The following NRXN1 variants were observed in gnomAD, a reference collection of about 807,000 sequenced individuals.
NRXN1 encodes the protein neurexin-1.
A neutral mutation model predicts 150.9 loss-of-function variants in NRXN1; 39 were observed. The ratio of observed to expected loss-of-function variants is 0.26; its 90% CI spans 0.20 to 0.34. NRXN1 has a LOEUF of 0.34. Among genes scored for constraint, NRXN1 ranks in the 10% least tolerant of loss-of-function variants. The pLI is 1.00. For synonymous variants in NRXN1, 924 were observed against 757.0 expected, an observed-to-expected ratio of 1.22 and a Z score of -3.62; for missense variants, 1,815 against 1,949.9, an observed-to-expected ratio of 0.93 and a Z score of 1.30.
At chr2:50,430,504 T>C (rs1030718877) in intron 17 of NRXN1, among the ~76,000 whole-genome samples, 11 of 152,230 alleles carry the variant, frequency 7.2e-5, no homozygotes, top group Non-Finnish European at 4.4e-5. Context: ...TTAATTTTAA[T>C]TAATTTAAAT....
At chr2:49,981,166 T>C (rs1679922526) in intron 21 of NRXN1, among the ~76,000 whole-genome samples, 1 of 152,108 alleles carries the variant, frequency 6.6e-6, no homozygotes, top group Non-Finnish European at 1.5e-5. Flanking sequence ...GTATTTCTCT[T>C]ACTTTGACAG....
At chr2:50,000,682 G>C (rs1395069167) in intron 21 of NRXN1, among the ~76,000 whole-genome samples, 1 of 152,140 alleles carries the variant, frequency 6.6e-6, no homozygotes, top group Non-Finnish European at 1.5e-5. Flanking sequence ...CCAGAGTCTA[G>C]AGTCATTTCT....
chr2:50,444,614 G>A (rs563606511), intron 17 of NRXN1, among the ~76,000 whole-genome samples: 3 of 152,056 alleles, frequency 2.0e-5, no homozygotes, highest in Admixed American at 6.6e-5. Flanking sequence ...TGGCTCAGGG[G>A]CAATATTTAA....
In NRXN1 at chr2:50,606,606, CAATAATAAT is replaced by C. The variant is rs3053107; in HGVS notation, c.1320+13407_1320+13415del. Among the ~76,000 whole-genome samples the C allele has an allele frequency of 1.6e-4, 24 of 146,972 alleles. No homozygotes were observed. In the South Asian group the frequency reaches 4.7e-3, roughly 29 times the overall value. On this transcript the variant is annotated intron_variant, in intron 8 of 22. Coordinates refer to ENST00000401669, the MANE Select transcript of NRXN1 (RefSeq NM_001330078.2). The stretch of plus-strand genomic sequence containing the variant: ...GTAGATCCTATGTGAGCTGCTCATA[CAATAATAAT>C]AATAATAATAATAATAAAATAAAAC...
intron 18 of NRXN1, among the ~76,000 whole-genome samples, chr2:50,185,923 A>G (rs1456535430): frequency 1.3e-5 from 2 of 152,042 alleles, no homozygotes; most frequent in African/African-American, 4.8e-5. Flanking sequence ...TCTTCAAAAG[A>G]GCTTTGATAA....
At chr2:50,639,162 C>T (rs1419611283) in intron 5 of NRXN1, among the ~76,000 whole-genome samples, 2 of 151,832 alleles carry the variant, frequency 1.3e-5, no homozygotes, top group Non-Finnish European at 2.9e-5. Context: ...GACCCTATAT[C>T]CTGTGTTCTT....
intron 5 of NRXN1, among the ~76,000 whole-genome samples, chr2:50,634,474 A>C (rs947267381): frequency 6.6e-6 from 1 of 152,210 alleles, no homozygotes; most frequent in African/African-American, 2.4e-5. Context: ...TATGCATAAT[A>C]AGCTTTTTAA....
chr2:50,441,031 C>T (rs2085904826), intron 17 of NRXN1, among the ~76,000 whole-genome samples: 1 of 152,114 alleles, frequency 6.6e-6, no homozygotes, highest in Admixed American at 6.5e-5. Flanking sequence ...AGATTTTAAG[C>T]AATTGAAATA....
In NRXN1 at chr2:50,800,739, G is replaced by A. The variant is rs867789374; in HGVS notation, c.832+121130C>T. On this transcript the variant is annotated intron_variant, in intron 5 of 22. Coordinates refer to ENST00000401669, the MANE Select transcript of NRXN1 (RefSeq NM_001330078.2). ...TAATTTTTGCATTTTTAGTAGAGAC[G>A]GGGTTTCACCATGTTGGTCAGCCTG... Among the ~76,000 whole-genome samples, 12 of 152,076 alleles carry A rather than the reference G, an allele frequency of 7.9e-5. No individual in the cohort carries two copies. The East Asian group carries it at 1.6e-3, about 20-fold the overall frequency.
intron 5 of NRXN1, among the ~76,000 whole-genome samples, chr2:50,711,681 T>C (rs920784014): frequency 6.6e-6 from 1 of 152,078 alleles, no homozygotes; most frequent in Non-Finnish European, 1.5e-5. Context: ...GGTTTTAATA[T>C]GTCTCCAAAA....
chr2:50,470,660 C>T (rs1401264143), intron 16 of NRXN1, among the ~76,000 whole-genome samples: 1 of 151,758 alleles, frequency 6.6e-6, no homozygotes, highest in Non-Finnish European at 1.5e-5. Context: ...TATAAAACAT[C>T]CTCATCCTCA....
chr2:50,987,880 AAC>A (rs1460084968), intron 2 of NRXN1, among the ~76,000 whole-genome samples: 2 of 151,930 alleles, frequency 1.3e-5, no homozygotes, highest in African/African-American at 4.8e-5. Flanking sequence ...AACACTACGA[AAC>A]ACAGAATTAC....
At chr2:50,634,270 G>A (rs1056098151) in intron 5 of NRXN1, among the ~76,000 whole-genome samples, 1 of 152,230 alleles carries the variant, frequency 6.6e-6, no homozygotes, top group African/African-American at 2.4e-5. Flanking sequence ...GGAAGTGACA[G>A]CAGTGAGTCC....
In NRXN1 at chr2:50,792,404, T is replaced by C. The variant is rs140948666; in HGVS notation, c.832+129465A>G. On this transcript the variant is annotated intron_variant, in intron 5 of 22. Coordinates refer to ENST00000401669, the MANE Select transcript of NRXN1 (RefSeq NM_001330078.2). ...ACTTTATCTCTGGTGTCTAGTACAGTGCAGACTGACCATTTAATATATTTT... is the reference window on the plus strand; with the variant it reads ...ACTTTATCTCTGGTGTCTAGTACAGCGCAGACTGACCATTTAATATATTTT... Among the ~76,000 whole-genome samples, 912 of 152,236 alleles carry C rather than the reference T, an allele frequency of 6.0e-3. 6 individuals carry two copies. The highest frequency in any genetic ancestry group is 0.01 in the Middle Eastern group (3 of 294).
chr2:50,386,479 C>T (rs566818091), intron 17 of NRXN1, among the ~76,000 whole-genome samples: 1 of 151,880 alleles, frequency 6.6e-6, no homozygotes, highest in African/African-American at 2.4e-5. Flanking sequence ...GAGCGGTTGT[C>T]TTTTTTTCAG....
chr2:50,853,921 T>A (rs933521908), intron 5 of NRXN1, among the ~76,000 whole-genome samples: 1 of 152,086 alleles, frequency 6.6e-6, no homozygotes. Flanking sequence ...ACATGCTCCA[T>A]AGACTTTTTC....
chr2:50,765,169 C>T lies in NRXN1; in HGVS notation c.833-141554G>A, dbSNP rs370804015. On this transcript the variant is annotated intron_variant, in intron 5 of 22. Transcript: ENST00000401669. ...CTCACAGGATATTCGAAGCACAATA[C>T]ATAATGTGAAGGGGGAAAACCTTAC... is the stretch of plus-strand genomic sequence containing the variant. Among the ~76,000 whole-genome samples the T allele has an allele frequency of 5.3e-5, 8 of 152,154 alleles. No homozygotes were observed. The East Asian group carries it at 1.4e-3, about 26-fold the overall frequency.
intron 17 of NRXN1, among the ~76,000 whole-genome samples, chr2:50,428,857 A>G (rs557076428): frequency 3.9e-5 from 6 of 152,346 alleles, no homozygotes; most frequent in African/African-American, 1.4e-4. Context: ...ATAGAAGAGG[A>G]AAAATAACTT....
intron 17 of NRXN1, among the ~76,000 whole-genome samples, chr2:50,370,159 A>C (rs577101084): frequency 1.6e-4 from 25 of 152,136 alleles, no homozygotes; most frequent in African/African-American, 5.8e-4. Flanking sequence ...CTCTGCATGT[A>C]CATTGTCCCT....
Sources: allele counts gnomAD v4.1 joint callset (sites outside exome capture counted in the v4.1 genomes callset), GRCh38; gene constraint gnomAD v4.1.1; transcripts MANE v1.5; gene names NCBI Gene and HGNC (gene_info 2026-07-23, HGNC 2026-07-21).